The following PFKFB3 variants were observed in gnomAD, a reference collection of about 807,000 sequenced individuals.
The protein encoded by PFKFB3 is 6-phosphofructo-2-kinase/fructose-2,6-biphosphatase 3.
A neutral mutation model predicts 68.0 loss-of-function variants in PFKFB3; 33 were observed. The ratio of observed to expected loss-of-function variants is 0.49; its 90% CI spans 0.37 to 0.65. The LOEUF (loss-of-function observed/expected upper bound fraction) is 0.65. PFKFB3 is among the 30% of genes least tolerant of loss of function. The pLI, the probability that PFKFB3 is intolerant of heterozygous loss-of-function variation, is 0.00. For missense variants in PFKFB3, 586 were observed against 712.2 expected (o/e 0.82, Z 2.02); for synonymous variants, 315 against 288.2 (o/e 1.09, Z -0.94).
the PFKFB3 span, among the ~76,000 whole-genome samples, chr10:6,277,417 C>T: frequency 6.6e-6 from 1 of 152,024 alleles, no homozygotes; most frequent in Non-Finnish European, 1.5e-5. Flanking sequence ...GACAGGGTTT[C>T]ACCATGTTGG....
upstream of PFKFB3, among the ~76,000 whole-genome samples, chr10:6,201,384 G>C (rs1843343491): frequency 2.0e-5 from 3 of 150,836 alleles, no homozygotes; most frequent in South Asian, 6.4e-4. The surrounding 1 kb of genome is among the most constrained non-coding windows in gnomAD (Gnocchi z 4.1). Flanking sequence ...CAGCAAAGCT[G>C]TCGCGGGAAC....
intron 1 of PFKFB3, among the ~76,000 whole-genome samples, chr10:6,179,514 T>C (rs2131780628): frequency 6.6e-6 from 1 of 152,210 alleles, no homozygotes; most frequent in South Asian, 2.1e-4. Flanking sequence ...CACTCAGGCG[T>C]TTCCCTAGCG....
At chr10:6,190,152 C>T (rs2131819393) in intron 1 of PFKFB3, among the ~76,000 whole-genome samples, 1 of 152,112 alleles carries the variant, frequency 6.6e-6, no homozygotes, top group South Asian at 2.1e-4. Context: ...CCATGTTGGC[C>T]AGGCTGGTCT....
chr10:6,259,609 T>TCCAC (rs1413903386), downstream of PFKFB3, among the ~76,000 whole-genome samples: 40 of 148,438 alleles, frequency 2.7e-4, no homozygotes, highest in African/African-American at 7.6e-4. Flanking sequence ...CATCCATCCA[T>TCCAC]CCATCCATCC....
chr10:6,278,279 T>TTTG, the PFKFB3 span, among the ~76,000 whole-genome samples: 2 of 151,514 alleles, frequency 1.3e-5, no homozygotes, highest in African/African-American at 2.4e-5. Flanking sequence ...TTGATTTTTT[T>TTTG]TTGTTGTTGT....
At chr10:6,265,030 G>C in the PFKFB3 span, among the ~76,000 whole-genome samples, 8 of 150,894 alleles carry the variant, frequency 5.3e-5, no homozygotes, top group Non-Finnish European at 1.0e-4. Flanking sequence ...ACTGCATTTA[G>C]TTGTCAATTT....
chr10:6,156,407 T>C (rs1291138352), intron 1 of PFKFB3, among the ~76,000 whole-genome samples: 1 of 151,998 alleles, frequency 6.6e-6, no homozygotes, highest in Non-Finnish European at 1.5e-5. Context: ...CCTCCCACCT[T>C]GGCCTCCCAA....
chr10:6,277,805 C>T, the PFKFB3 span: 7 of 403,198 alleles, frequency 1.7e-5, no homozygotes, highest in South Asian at 5.4e-5. Context: ...TACCCAGTCT[C>T]AGGTATTTCT....
intron 14 of PFKFB3, among the ~76,000 whole-genome samples, chr10:6,250,956 A>G (rs1846367930): frequency 6.6e-6 from 1 of 152,076 alleles, no homozygotes; most frequent in Admixed American, 6.6e-5. Flanking sequence ...TCATCTTGTG[A>G]CCTTTCACGA....
the PFKFB3 span, among the ~76,000 whole-genome samples, chr10:6,292,250 A>C: frequency 7.0e-6 from 1 of 142,846 alleles, no homozygotes; most frequent in Non-Finnish European, 1.5e-5. Flanking sequence ...CACAGCACCC[A>C]GCCGAAACCA....
intron 14 of PFKFB3, among the ~76,000 whole-genome samples, chr10:6,231,045 C>T (rs1336138888): frequency 1.3e-5 from 2 of 152,024 alleles, no homozygotes; most frequent in Admixed American, 6.6e-5. Flanking sequence ...ATCTTGGTTT[C>T]CCAGTAAGAT....
chr10:6,205,960 GCTAATTAAAAAAAA>G, intron 1 of PFKFB3, among the ~76,000 whole-genome samples: 1 of 117,450 alleles, frequency 8.5e-6, no homozygotes. Context: ...ACCACACCCG[GCTAATTAAAAAAAA>G]TTTTTTTTTT....
chr10:6,287,498 ACATGCTGTACAG>A, the PFKFB3 span, among the ~76,000 whole-genome samples: 3 of 152,216 alleles, frequency 2.0e-5, no homozygotes, highest in African/African-American at 7.2e-5. Context: ...TAGTACAGCA[ACATGCTGTACAG>A]GATTGTAACC....
intron 1 of PFKFB3, among the ~76,000 whole-genome samples, chr10:6,206,059 G>C (rs911072754): frequency 4.6e-5 from 7 of 151,130 alleles, no homozygotes; most frequent in Admixed American, 6.6e-5. Flanking sequence ...GTGGAGGGAA[G>C]GTCAGCAGAT....
At chr10:6,147,131 C>T (rs570883399) in intron 1 of PFKFB3, among the ~76,000 whole-genome samples, 3 of 152,260 alleles carry the variant, frequency 2.0e-5, no homozygotes, top group East Asian at 1.9e-4. Flanking sequence ...GGTGCTGAGC[C>T]GTGGTCTGAA....
chr10:6,213,797 C>G (rs769693369), intron 2 of PFKFB3, 49 bp downstream of exon 2: 9 of 1,589,414 alleles, frequency 5.7e-6, no homozygotes, highest in African/African-American at 1.3e-5. Context: ...AAAACTTGAC[C>G]TTCCATCTCA....
chr10:6,291,644 G>T, the PFKFB3 span, among the ~76,000 whole-genome samples: 1 of 151,316 alleles, frequency 6.6e-6, no homozygotes, highest in Non-Finnish European at 1.5e-5. Context: ...GAAGAAAGAA[G>T]TTTCCATTAT....
Position 6,180,451 on chromosome 10 carries a change from T to C in PFKFB3, c.17-33172T>C, listed in dbSNP as rs112442778. ...TTTTCTTCAAGTTTTTTCTTTTCTT[T>C]CCTTTGGTTTTGTTGCTGTTTTGTT... On this transcript the variant is annotated intron_variant, in intron 1 of 14. Transcript: ENST00000379789. Among the ~76,000 whole-genome samples, 509 of 152,330 alleles carry C rather than the reference T, an allele frequency of 3.3e-3. 3 individuals are homozygous for C. The highest frequency in any genetic ancestry group is 0.012 in the African/African-American group (485 of 41,576).
Position 6,223,014 on chromosome 10 carries a change from G to A in PFKFB3, c.1213+30G>A, listed in dbSNP as rs1197140249. 8.1e-6 allele frequency: 13 copies of A among 1,602,602 alleles called. 1 individual carries two copies. The South Asian group carries it at 1.4e-4, about 18-fold the overall frequency. On this transcript the variant is annotated intron_variant, in intron 11 of 14. Transcript: ENST00000379775. ...CTCGGGCAGGTCGTGGCCCCGGGATGGAGGGAGGAGGGGACTGGCACTCGG... is the reference window on the plus strand; with the variant it reads ...CTCGGGCAGGTCGTGGCCCCGGGATAGAGGGAGGAGGGGACTGGCACTCGG...
Sources: allele counts gnomAD v4.1 joint callset (sites outside exome capture counted in the v4.1 genomes callset), GRCh38; gene constraint gnomAD v4.1.1; non-coding constraint Gnocchi (gnomAD v3.1); transcripts MANE v1.5; gene names NCBI Gene and HGNC (gene_info 2026-07-23, HGNC 2026-07-21).